The following TCF4 variants were observed in gnomAD, a reference collection of about 807,000 sequenced individuals.
The protein encoded by TCF4 is SL3-3 enhancer factor 2.
TCF4 carries 3 observed loss-of-function variants against 82.1 expected under a neutral mutation model. The ratio of observed to expected loss-of-function variants is 0.04; its 90% confidence interval spans 0.02 to 0.09. The LOEUF (loss-of-function observed/expected upper bound fraction) is 0.09. TCF4 is among the 10% of genes least tolerant of loss of function. The pLI, the probability that TCF4 is intolerant of heterozygous loss-of-function variation, is 1.00. For synonymous variants in TCF4, 276 were observed against 309.6 expected, an observed-to-expected ratio of 0.89 and a Z score of 1.14; for missense variants, 518 against 852.7, an observed-to-expected ratio of 0.61 and a Z score of 4.89.
chr18:55,465,622 A>G (rs2095999329), intron 3 of TCF4, among the ~76,000 whole-genome samples: 1 of 152,158 alleles, frequency 6.6e-6, no homozygotes, highest in South Asian at 2.1e-4. Flanking sequence ...TAACAATCCA[A>G]CATGCTGGCC....
chr18:55,589,797 C>T (rs962391738), upstream of TCF4: 3 of 1,008,882 alleles, frequency 3.0e-6, no homozygotes, highest in South Asian at 1.4e-4. Flanking sequence ...CCGGGAACTG[C>T]GGGCTTATAA....
At chr18:55,425,155 T>C (rs558290539) in intron 5 of TCF4, among the ~76,000 whole-genome samples, 1 of 152,290 alleles carries the variant, frequency 6.6e-6, no homozygotes, top group East Asian at 1.9e-4. Flanking sequence ...AAAAATGAAA[T>C]AGAGTACAGG....
At chr18:55,351,177 A>G (rs773375652) in intron 6 of TCF4, 174 bp from the exon 7 acceptor site, 2 of 721,144 alleles carry the variant, frequency 2.8e-6, no homozygotes, top group Non-Finnish European at 4.4e-6. Context: ...AGCTATCACA[A>G]AGTTTGTGAA....
chr18:55,278,202 T>C (rs1437049674), intron 9 of TCF4, among the ~76,000 whole-genome samples: 48 of 148,312 alleles, frequency 3.2e-4, no homozygotes, highest in Non-Finnish European at 2.5e-4. Context: ...GTGTGTCCAC[T>C]ATATCAGGCT....
intron 3 of TCF4, among the ~76,000 whole-genome samples, chr18:55,486,505 T>C (rs1372738041): frequency 6.6e-6 from 1 of 151,940 alleles, no homozygotes; most frequent in African/African-American, 2.4e-5. Context: ...GGCAGGAAAA[T>C]CGCTTGAACC....
At chr18:55,541,847 G>A (rs879473055) in intron 3 of TCF4, among the ~76,000 whole-genome samples, 7 of 151,916 alleles carry the variant, frequency 4.6e-5, no homozygotes, top group Admixed American at 6.6e-5. Context: ...AGAATACGAC[G>A]TTATTTAACA....
chr18:55,402,863 A>C (rs922133386), intron 6 of TCF4, among the ~76,000 whole-genome samples: 3 of 152,228 alleles, frequency 2.0e-5, no homozygotes, highest in African/African-American at 7.2e-5. Flanking sequence ...ATTTAATTAA[A>C]GTACTCTTAT....
chr18:55,341,419 T>C (rs1358364251), intron 8 of TCF4, among the ~76,000 whole-genome samples: 1 of 152,232 alleles, frequency 6.6e-6, no homozygotes, highest in Non-Finnish European at 1.5e-5. Flanking sequence ...ATAAGTACTC[T>C]GGCATGGAAT....
chr18:55,254,476 T>C, intron 15 of TCF4, 21 bp downstream of exon 15: 1 of 1,606,844 alleles, frequency 6.2e-7, no homozygotes, highest in Non-Finnish European at 8.5e-7. Context: ...AACTATAGAG[T>C]CTATAAATTT....
intron 2 of TCF4, among the ~76,000 whole-genome samples, chr18:55,611,074 T>C (rs1170187207): frequency 6.6e-6 from 1 of 152,190 alleles, no homozygotes; most frequent in Non-Finnish European, 1.5e-5. Flanking sequence ...GAGTTTGGCA[T>C]GAGGCAAGGC....
chr18:55,260,229 T>C (rs2057749279), intron 12 of TCF4, among the ~76,000 whole-genome samples: 1 of 152,180 alleles, frequency 6.6e-6, no homozygotes, highest in Non-Finnish European at 1.5e-5. Flanking sequence ...ACTGATGTGG[T>C]ATGGGATGGT....
At chr18:55,253,401 T>C (rs1461465210) in intron 15 of TCF4, among the ~76,000 whole-genome samples, 4 of 152,130 alleles carry the variant, frequency 2.6e-5, no homozygotes, top group Non-Finnish European at 5.9e-5. Context: ...GACACTAAGG[T>C]GCTTAGAGAC....
chr18:55,564,786 A>G (rs148368578), intron 3 of TCF4, among the ~76,000 whole-genome samples: 50 of 152,312 alleles, frequency 3.3e-4, no homozygotes, highest in African/African-American at 1.2e-3. Context: ...CAGAGAATAA[A>G]AGTAGACATG....
intron 5 of TCF4, among the ~76,000 whole-genome samples, chr18:55,447,310 A>G (rs1286708294): frequency 6.6e-6 from 1 of 152,014 alleles, no homozygotes; most frequent in East Asian, 1.9e-4. Flanking sequence ...AAAAAAAAAA[A>G]AATTAGACAT....
intron 3 of TCF4, among the ~76,000 whole-genome samples, chr18:55,498,021 G>C (rs555101242): frequency 1.3e-5 from 2 of 152,236 alleles, no homozygotes; most frequent in East Asian, 3.9e-4. Context: ...CCTCCACCAG[G>C]GTGACACACG....
intron 2 of TCF4, among the ~76,000 whole-genome samples, chr18:55,621,459 T>A (rs2097718203): frequency 8.7e-5 from 6 of 68,748 alleles, no homozygotes; most frequent in South Asian, 4.2e-4. Flanking sequence ...ATATATATAA[T>A]ATATAATATA....
chr18:55,619,181 G>A (rs2097715287), intron 2 of TCF4, among the ~76,000 whole-genome samples: 1 of 151,994 alleles, frequency 6.6e-6, no homozygotes, highest in Non-Finnish European at 1.5e-5. Context: ...AGATTAAGGA[G>A]GTTTTAAAGT....
At chr18:55,478,777 A>T (rs2096356794) in intron 3 of TCF4, among the ~76,000 whole-genome samples, 1 of 140,838 alleles carries the variant, frequency 7.1e-6, no homozygotes, top group African/African-American at 2.6e-5. Flanking sequence ...CACTGTAAAG[A>T]ATTTTGCAAC....
At chr18:55,305,564 T>A (rs1007766672) in intron 8 of TCF4, among the ~76,000 whole-genome samples, 1 of 152,222 alleles carries the variant, frequency 6.6e-6, no homozygotes, top group Non-Finnish European at 1.5e-5. Context: ...CTAGGATGTA[T>A]GTTTTTGGTT....
Sources: gnomAD v4.1 joint callset for allele counts (sites outside exome capture counted in the v4.1 genomes callset) on GRCh38, gnomAD v4.1.1 for gene constraint, MANE v1.5 for transcripts, NCBI Gene and HGNC (gene_info 2026-07-23, HGNC 2026-07-21) for gene names.